CNOT4: variants seen among roughly 807,000 people sequenced by gnomAD.
CNOT4 encodes the protein CCR4-associated factor 4.
A neutral mutation model predicts 73.8 loss-of-function variants in CNOT4; 8 were observed. The observed-to-expected ratio is 0.11, with a 90% CI of 0.06 to 0.20. CNOT4 has a LOEUF of 0.20. Ranked by LOEUF, CNOT4 falls within the 10% of genes least tolerant of loss-of-function variation. The pLI is 1.00. For synonymous variants in CNOT4, 293 were observed against 321.1 expected, an observed-to-expected ratio of 0.91 and a Z score of 0.94; for missense variants, 564 against 883.4, an observed-to-expected ratio of 0.64 and a Z score of 4.58.
At chr7:135,508,556 A>G (rs1452750356) in intron 1 of CNOT4, among the ~76,000 whole-genome samples, 1 of 152,246 alleles carries the variant, frequency 6.6e-6, no homozygotes, top group African/African-American at 2.4e-5. Context: ...AAGACAATTT[A>G]TTCTGATAAC....
intron 8 of CNOT4, among the ~76,000 whole-genome samples, chr7:135,397,756 T>A (rs1796777606): frequency 6.6e-6 from 1 of 151,958 alleles, no homozygotes; most frequent in Non-Finnish European, 1.5e-5. Context: ...TTGGGGAAAA[T>A]AAGAAGGGAA....
rs549736981 is a variant in CNOT4 at position 135,427,410 on chromosome 7, C to T, written c.175-5057G>A. 7.2e-4 allele frequency among the ~76,000 whole-genome samples: 110 copies of T among 151,840 alleles called. 1 individual carries two copies. In the South Asian group the frequency reaches 9.6e-3, roughly 13 times the overall value. ...CTTATTCTTTTTCTGATTTCTTTTT[C>T]TGATCCCTTCCACTGTCATAGTACT... On this transcript the variant is annotated intron_variant, in intron 2 of 11. Transcript: ENST00000541284.
At chr7:135,422,697 G>A (rs1798258651) in intron 2 of CNOT4, among the ~76,000 whole-genome samples, 1 of 152,118 alleles carries the variant, frequency 6.6e-6, no homozygotes, top group Non-Finnish European at 1.5e-5. Flanking sequence ...GAGGCAAGGA[G>A]TGTAAGTTCT....
intron 10 of CNOT4, chr7:135,388,807 G>A (rs1412749951): frequency 5.6e-6 from 9 of 1,612,702 alleles, no homozygotes; most frequent in Non-Finnish European, 7.6e-6. Context: ...GGCCACAGTA[G>A]TGTGGAGACT....
In CNOT4 at chr7:135,434,914, T is replaced by C. The variant is rs192442053; in HGVS notation, c.174+3244A>G. On this transcript the variant is annotated intron_variant, in intron 2 of 11. Coordinates refer to ENST00000541284, the MANE Select transcript of CNOT4 (RefSeq NM_001190850.2). ...AGTCATCCTCAACTCTCTGTTTGTA[T>C]GGTGGTTCATGAATAATAAAGTTCA... Among the ~76,000 whole-genome samples the C allele has an allele frequency of 3.3e-3, 503 of 152,328 alleles. 1 individual carries two copies. The highest frequency in any genetic ancestry group is 4.2e-3 in the Non-Finnish European group (285 of 68,022).
At chr7:135,446,100 T>G (rs1799808246) in intron 1 of CNOT4, among the ~76,000 whole-genome samples, 1 of 152,166 alleles carries the variant, frequency 6.6e-6, no homozygotes, top group Non-Finnish European at 1.5e-5. Context: ...AAGGCTGGTC[T>G]TGAACTCCGG....
rs188301130 is a variant in CNOT4 at position 135,463,983 on chromosome 7, G to A, written c.-92-25560C>T. 2.4e-3 allele frequency among the ~76,000 whole-genome samples: 297 copies of A among 125,748 alleles called. 1 individual carries two copies. Among genetic ancestry groups the A allele is most frequent in the Non-Finnish European group, 4.1e-3 (258 of 62,832 alleles). The allele number at this position is 125,748 out of a possible 152,430, so 82.5% of individuals were successfully genotyped here. A position where few individuals can be genotyped will look rare whatever the true frequency, so the allele number is the denominator to read the frequency against. On this transcript the variant is annotated intron_variant, in intron 1 of 11. Coordinates refer to ENST00000541284, the MANE Select transcript of CNOT4 (RefSeq NM_001190850.2). The stretch of plus-strand genomic sequence containing the variant: ...AAATGCAAATCAAAACCACAATGAG[G>A]TATCATCTCACACCAATCAGGATGG...
intron 1 of CNOT4, among the ~76,000 whole-genome samples, chr7:135,493,911 C>T (rs553397709): frequency 3.9e-5 from 6 of 152,146 alleles, no homozygotes; most frequent in African/African-American, 1.4e-4. Context: ...TAGAATAGTG[C>T]TTAGCATCTA....
At chr7:135,471,791 T>C (rs1469195714) in intron 1 of CNOT4, among the ~76,000 whole-genome samples, 2 of 152,230 alleles carry the variant, frequency 1.3e-5, no homozygotes, top group Non-Finnish European at 2.9e-5. Context: ...GGCACTCCGC[T>C]AGCCAATATA....
intron 1 of CNOT4, among the ~76,000 whole-genome samples, chr7:135,477,273 G>A (rs917985720): frequency 3.9e-5 from 6 of 152,026 alleles, no homozygotes; most frequent in Admixed American, 2.6e-4. Context: ...AACCTGGGAG[G>A]CAGAGGTTGC....
At chr7:135,439,356 C>T (rs1311516698) in intron 1 of CNOT4, among the ~76,000 whole-genome samples, 2 of 151,992 alleles carry the variant, frequency 1.3e-5, no homozygotes, top group Non-Finnish European at 2.9e-5. Context: ...TTTGAAGCTT[C>T]TGGGGAAAAA....
intron 1 of CNOT4, among the ~76,000 whole-genome samples, chr7:135,482,686 A>G (rs188239232): frequency 1.3e-5 from 2 of 151,638 alleles, no homozygotes; most frequent in African/African-American, 4.8e-5. Flanking sequence ...ACCTCTCATA[A>G]AAGTAGATGA....
rs771615892 is a variant in CNOT4, at chr7:135,362,536, G to A, written c.*349C>T. On this transcript the variant is annotated 3_prime_UTR_variant, in exon 12 of 12. Coordinates refer to ENST00000541284, the MANE Select transcript of CNOT4 (RefSeq NM_001190850.2). Reference sequence around the variant, plus strand: ...ACTTGAGCTTTCCTATAGATTAATCGTCATTTTCTGCTAAGCAGATTATGT... The same window carrying A: ...ACTTGAGCTTTCCTATAGATTAATCATCATTTTCTGCTAAGCAGATTATGT... 1.3e-4 allele frequency: 50 copies of A among 387,520 alleles called. No individual in the cohort carries two copies. The highest frequency in any genetic ancestry group is 1.9e-4 in the Admixed American group (5 of 26,552). The allele number at this position is 387,520 out of a possible 1,614,324, so 24.0% of individuals were successfully genotyped here.
intron 2 of CNOT4, among the ~76,000 whole-genome samples, chr7:135,434,972 T>C (rs957903467): frequency 7.9e-5 from 12 of 152,222 alleles, no homozygotes; most frequent in Non-Finnish European, 1.8e-4. Context: ...TGTTTTATTA[T>C]GCCTTTACAT....
intron 2 of CNOT4, among the ~76,000 whole-genome samples, chr7:135,423,471 TA>T (rs57293861): frequency 0.018 from 2,577 of 139,854 alleles, 39 homozygotes; most frequent in African/African-American, 0.034. Context: ...ATATAAGCGT[TA>T]AAAAAAAAAA....
intron 1 of CNOT4, among the ~76,000 whole-genome samples, chr7:135,504,816 G>C (rs1364448077): frequency 6.7e-6 from 1 of 149,202 alleles, no homozygotes; most frequent in Non-Finnish European, 1.5e-5. Flanking sequence ...TTTTAGTAGA[G>C]ATGGGGTTTC....
intron 7 of CNOT4, among the ~76,000 whole-genome samples, chr7:135,401,933 C>G (rs1797023945): frequency 6.6e-6 from 1 of 152,130 alleles, no homozygotes; most frequent in African/African-American, 2.4e-5. Flanking sequence ...CTAAGAAATA[C>G]TAATAGGTAA....
At position 135,363,033 on chromosome 7, in the gene CNOT4, G is replaced by C; in HGVS notation, c.1994C>G (p.Pro665Arg). Residue 665 changes from proline (P) to arginine (R), a missense_variant, in exon 12 of 12, where the codon CCG becomes CGG. By Grantham distance (103) the Pro-to-Arg change is moderately radical. Around this residue, in one of 10 missense-constraint regions of CNOT4, gnomAD observed 88 missense variants for 94.7 expected, o/e 0.93. Coordinates refer to ENST00000541284, the MANE Select transcript of CNOT4 (RefSeq NM_001190850.2). The surrounding 1 kb of genome is among the most constrained non-coding windows in gnomAD (Gnocchi z 4.3). ...HHSAPFSTQI[P>R]LHRASWNPYP... Reference sequence around the variant, plus strand: ...GGGATTCCAACTGGCTCTGTGCAGCGGGATCTGTGTGCTGAAGGGGGCGCT... The same window carrying C: ...GGGATTCCAACTGGCTCTGTGCAGCCGGATCTGTGTGCTGAAGGGGGCGCT... The C allele has an allele frequency of 6.2e-7, 1 of 1,613,844 alleles. No homozygotes were observed. Among genetic ancestry groups the C allele is most frequent in the South Asian group, 1.1e-5 (1 of 91,046 alleles).
intron 3 of CNOT4, among the ~76,000 whole-genome samples, chr7:135,419,912 G>C (rs1232872047): frequency 1.3e-5 from 2 of 151,878 alleles, no homozygotes; most frequent in African/African-American, 4.8e-5. Flanking sequence ...AATTAGCTGG[G>C]CATGGTGGTG....
Sources: gnomAD v4.1 joint callset for allele counts (sites outside exome capture counted in the v4.1 genomes callset) on GRCh38, gnomAD v4.1.1 for gene constraint, gnomAD v4.1.1 regional missense constraint, Gnocchi (gnomAD v3.1) non-coding constraint, MANE v1.5 for transcripts, NCBI Gene and HGNC (gene_info 2026-07-23, HGNC 2026-07-21) for gene names.